TNKS: variants seen among roughly 807,000 people sequenced by gnomAD.
The protein encoded by TNKS is tankyrase.
TNKS carries 72 observed loss-of-function variants against 135.8 expected under a neutral mutation model. The ratio of observed to expected loss-of-function variants is 0.53; its 90% CI spans 0.44 to 0.64. TNKS has a LOEUF of 0.64. Ranked by LOEUF, TNKS falls within the 30% of genes least tolerant of loss-of-function variation. The pLI, the probability that TNKS is intolerant of heterozygous loss-of-function variation, is 0.00. For missense variants in TNKS, 1,769 were observed against 1,674.0 expected, an observed-to-expected ratio of 1.06 and a Z score of -0.99; for synonymous variants, 849 against 649.3, an observed-to-expected ratio of 1.31 and a Z score of -4.68.
At chr8:9,727,112 C>T (rs1437386662) in intron 13 of TNKS, among the ~76,000 whole-genome samples, 1 of 152,156 alleles carries the variant, frequency 6.6e-6, no homozygotes, top group Non-Finnish European at 1.5e-5. Flanking sequence ...AGCAGGATGA[C>T]ATTTGAAAGA....
intron 12 of TNKS, among the ~76,000 whole-genome samples, chr8:9,723,611 A>G (rs1585378548): frequency 6.6e-6 from 1 of 152,310 alleles, no homozygotes; most frequent in East Asian, 1.9e-4. Context: ...CAAAGATTTG[A>G]TTTCTTTCTC....
At chr8:9,626,904 C>T (rs1326067026) in intron 3 of TNKS, among the ~76,000 whole-genome samples, 2 of 152,182 alleles carry the variant, frequency 1.3e-5, no homozygotes, top group East Asian at 1.9e-4. Context: ...TTAGAATCTT[C>T]GAAGTCATGT....
intron 3 of TNKS, among the ~76,000 whole-genome samples, chr8:9,666,256 C>T (rs1049286881): frequency 3.3e-5 from 5 of 152,120 alleles, no homozygotes; most frequent in East Asian, 3.8e-4. Context: ...GTAAATAAAA[C>T]GTGCTATTAA....
At chr8:9,708,095 A>T (rs955090567) in intron 8 of TNKS, among the ~76,000 whole-genome samples, 2 of 152,154 alleles carry the variant, frequency 1.3e-5, no homozygotes, top group African/African-American at 4.8e-5. Context: ...GTGGACATTT[A>T]GGTTTCCTGT....
rs373932156 is a variant in TNKS, at chr8:9,715,363, G to C, written c.1750-5011G>C. Among the ~76,000 whole-genome samples, 8 of 86,536 alleles carry C rather than the reference G, an allele frequency of 9.2e-5. No homozygotes were observed. The East Asian group carries it at 2.4e-3, about 26-fold the overall frequency. The allele number at this position is 86,536 out of a possible 152,430, so 56.8% of individuals were successfully genotyped here. Reference sequence around the variant, plus strand: ...GGAAAGAGGTTGTACTAGCAGCAGGGGGGGCGGGTATGATCATCTCTGGTC... The same window carrying C: ...GGAAAGAGGTTGTACTAGCAGCAGGCGGGGCGGGTATGATCATCTCTGGTC... On this transcript the variant is annotated intron_variant, in intron 11 of 26. Transcript: ENST00000310430.
chr8:9,692,111 G>A (rs1004523838), intron 5 of TNKS, among the ~76,000 whole-genome samples: 1 of 152,006 alleles, frequency 6.6e-6, no homozygotes, highest in Admixed American at 6.6e-5. Context: ...TGTTGCTTGG[G>A]TAAATTGTGC....
At position 9,706,211 on chromosome 8, in the gene TNKS, A is replaced by G. The variant is rs759442295; in HGVS notation, c.1227A>G (p.Ala409=). 4 of 1,577,682 alleles carry G rather than the reference A, an allele frequency of 2.5e-6. No individual in the cohort carries two copies. Among genetic ancestry groups the G allele is most frequent in the East Asian group, 4.7e-5 (2 of 42,398 alleles). The change falls in exon 7 of 27, where the codon GCA becomes GCG. Residue 409 remains alanine (A), a synonymous_variant. Transcript: ENST00000310430. The part of the protein sequence containing the change: ...DKGGLVPLHN[A]CSYGHYEVTE... ...GTGGACTTGTGCCTCTTCATAATGCATGTTCATATGGACATTATGAAGTCA... is the reference window on the plus strand; with the variant it reads ...GTGGACTTGTGCCTCTTCATAATGCGTGTTCATATGGACATTATGAAGTCA...
At chr8:9,657,791 C>A (rs1316046664) in intron 3 of TNKS, among the ~76,000 whole-genome samples, 1 of 150,158 alleles carries the variant, frequency 6.7e-6, no homozygotes, top group South Asian at 2.1e-4. Context: ...GACCCCCCCA[C>A]CTCCCTCCCG....
intron 2 of TNKS, among the ~76,000 whole-genome samples, chr8:9,581,789 T>C (rs535719195): frequency 5.4e-4 from 82 of 152,312 alleles, no homozygotes; most frequent in African/African-American, 1.7e-3. Flanking sequence ...TTATCAGTCC[T>C]TTGAATATCT....
At chr8:9,750,855 A>G (rs963324630) in intron 18 of TNKS, among the ~76,000 whole-genome samples, 4 of 152,244 alleles carry the variant, frequency 2.6e-5, no homozygotes, top group Non-Finnish European at 4.4e-5. Flanking sequence ...AGCTTCCAAG[A>G]TGGCCTTTCA....
At chr8:9,580,466 A>G (rs753782237) in intron 2 of TNKS, 83 bp downstream of exon 2, 229 of 1,250,252 alleles carry the variant, frequency 1.8e-4, no homozygotes, top group Non-Finnish European at 2.4e-4. Flanking sequence ...TTTCCTGAGA[A>G]TAGGTAAGGA....
rs771876017 is a variant in TNKS, at chr8:9,556,709, G to C, written c.673+97G>C. The C allele has an allele frequency of 6.3e-5, 90 of 1,435,786 alleles. No homozygotes were observed. In the East Asian group the frequency reaches 2.1e-3, roughly 33 times the overall value. 88.9% of individuals were successfully genotyped at this position (1,435,786 alleles called of 1,614,324 possible). ...GGTTATTGTGATGGGACAAAGTGGG[G>C]GCGTGGTTATGGTTCTTCATCACCT... On this transcript the variant is annotated intron_variant, in intron 1 of 26. Transcript: ENST00000310430.
intron 3 of TNKS, among the ~76,000 whole-genome samples, chr8:9,646,766 C>T (rs1018188614): frequency 6.6e-6 from 1 of 152,016 alleles, no homozygotes; most frequent in African/African-American, 2.4e-5. Context: ...CAGTTTAGTC[C>T]AGCTTCTAGG....
chr8:9,708,273 T>C lies in TNKS; in HGVS notation c.1457-98T>C, dbSNP rs558892453. 4.9e-4 allele frequency: 544 copies of C among 1,112,296 alleles called. 2 individuals are homozygous for C. Among genetic ancestry groups the C allele is most frequent in the Non-Finnish European group, 6.3e-4 (510 of 814,126 alleles). 68.9% of individuals were successfully genotyped at this position (1,112,296 alleles called of 1,614,324 possible). On this transcript the variant is annotated intron_variant, in intron 8 of 26. Coordinates refer to ENST00000310430, the MANE Select transcript of TNKS (RefSeq NM_003747.3). ...TGCTGCTGTTGTTAAAATAGAGAAA[T>C]TCATAAAATAATAATATTCCTACTT... is the stretch of plus-strand genomic sequence containing the variant.
chr8:9,751,841 G>T lies in TNKS; in HGVS notation c.3065G>T (p.Gly1022Val). 1.9e-6 allele frequency: 3 copies of T among 1,614,044 alleles called. No individual in the cohort carries two copies. The highest frequency in any genetic ancestry group is 2.5e-6 in the Non-Finnish European group (3 of 1,179,914). Residue 1022 changes from glycine (G) to valine (V), a missense_variant, in exon 19 of 27, where the codon GGA (glycine) becomes GTA (valine). Around this residue, in one of 5 missense-constraint regions of TNKS, gnomAD observed 722 missense variants for 688.9 expected, o/e 1.05. Transcript: ENST00000310430. ...DGAAGTERKE[G>V]EVAGLDMNIS... Reference sequence around the variant, plus strand: ...GCCGCGGGAACAGAAAGGAAGGAAGGAGAAGGTGAGTAGACCCCATGAATG... The same window carrying T: ...GCCGCGGGAACAGAAAGGAAGGAAGTAGAAGGTGAGTAGACCCCATGAATG...
At position 9,782,311 on chromosome 8, in the gene TNKS, A is replaced by C. The variant is rs1358744273; in HGVS notation, c.*5575A>C. 6.6e-6 allele frequency: 1 copy of C among 152,670 alleles called. No individual in the cohort carries two copies. Among genetic ancestry groups the C allele is most frequent in the Non-Finnish European group, 1.5e-5 (1 of 68,048 alleles). The allele number at this position is 152,670 out of a possible 1,614,324, so 9.5% of individuals were successfully genotyped here. A position where few individuals can be genotyped will look rare whatever the true frequency, so the allele number is the denominator to read the frequency against. On this transcript the variant is annotated 3_prime_UTR_variant, in exon 27 of 27. Coordinates refer to ENST00000310430, the MANE Select transcript of TNKS (RefSeq NM_003747.3). ...TTAATGTCTAGCTCACTGTACTTGT[A>C]AATGATTAATATTCAATAAAACCAT...
intron 3 of TNKS, among the ~76,000 whole-genome samples, chr8:9,652,326 A>C (rs1290024696): frequency 2.0e-5 from 3 of 152,176 alleles, no homozygotes; most frequent in Non-Finnish European, 4.4e-5. Flanking sequence ...GGAGAAAGGA[A>C]AGTTGATCTG....
intron 5 of TNKS, among the ~76,000 whole-genome samples, chr8:9,703,204 C>G (rs898866518): frequency 6.6e-6 from 1 of 152,032 alleles, no homozygotes; most frequent in African/African-American, 2.4e-5. Flanking sequence ...TTTGTAGCAT[C>G]TTCAGTGTGG....
chr8:9,597,725 T>G (rs2128757334), intron 2 of TNKS, among the ~76,000 whole-genome samples: 1 of 152,318 alleles, frequency 6.6e-6, no homozygotes, highest in Non-Finnish European at 1.5e-5. Flanking sequence ...GCAGCTCTCT[T>G]TCAAGCCAAG....
Sources: allele counts gnomAD v4.1 joint callset (sites outside exome capture counted in the v4.1 genomes callset), GRCh38; gene constraint gnomAD v4.1.1; regional missense constraint gnomAD v4.1.1; transcripts MANE v1.5; gene names NCBI Gene and HGNC (gene_info 2026-07-23, HGNC 2026-07-21).